The following GSE1 variants were observed in gnomAD, a reference collection of about 807,000 sequenced individuals.
GSE1 encodes Gse1 coiled-coil protein.
GSE1 carries 32 observed loss-of-function variants against 112.6 expected under a neutral mutation model. The ratio of observed to expected loss-of-function variants is 0.28; its 90% CI spans 0.21 to 0.38. The LOEUF is 0.38. Among genes scored for constraint, GSE1 ranks in the 10% least tolerant of loss-of-function variants. GSE1 has a pLI of 1.00. For synonymous variants in GSE1, 1,115 were observed against 735.6 expected (o/e 1.52, Z -8.35); for missense variants, 2,348 against 1,699.2 (o/e 1.38, Z -6.71).
intron 2 of GSE1, among the ~76,000 whole-genome samples, chr16:85,523,714 C>A (rs1460009323): frequency 3.3e-5 from 5 of 152,222 alleles, no homozygotes; most frequent in African/African-American, 1.2e-4. Context: ...CAGGCGGCCT[C>A]CCCGAACACT....
At chr16:85,568,087 C>G (rs1262866041) in intron 1 of GSE1, among the ~76,000 whole-genome samples, 2 of 152,154 alleles carry the variant, frequency 1.3e-5, no homozygotes, top group African/African-American at 4.8e-5. Flanking sequence ...TTGGGAGATG[C>G]AATTGATGTT....
exon 1 of GSE1, chr16:85,170,066 C>T (rs2074333558): frequency 1.0e-6 from 1 of 984,816 alleles, no homozygotes; most frequent in South Asian, 4.7e-5. Context: ...GACACCGACC[C>T]CCTTTCCGAG....
At chr16:85,572,423 C>CACACAGCACATACA (rs1284360610) in intron 1 of GSE1, among the ~76,000 whole-genome samples, 122 of 150,128 alleles carry the variant, frequency 8.1e-4, no homozygotes, top group African/African-American at 2.9e-3. Flanking sequence ...ACACACCACA[C>CACACAGCACATACA]ACACACAGCA....
intron 1 of GSE1, among the ~76,000 whole-genome samples, chr16:85,579,598 G>A (rs564043327): frequency 6.6e-6 from 1 of 152,324 alleles, no homozygotes; most frequent in Non-Finnish European, 1.5e-5. Flanking sequence ...GGGCCTGGGG[G>A]ATTCCCCAGA....
At chr16:85,566,330 G>A (rs575171368) in intron 1 of GSE1, among the ~76,000 whole-genome samples, 1 of 152,212 alleles carries the variant, frequency 6.6e-6, no homozygotes, top group Non-Finnish European at 1.5e-5. Context: ...ATGGCTGTCC[G>A]CCAGCCCAGG....
At chr16:85,478,905 T>C (rs868732676) in intron 2 of GSE1, among the ~76,000 whole-genome samples, 20 of 77,708 alleles carry the variant, frequency 2.6e-4, no homozygotes, top group African/African-American at 1.1e-3. Flanking sequence ...CTTTCTTTCT[T>C]TCTTTCTTTC....
chr16:85,668,312 GGAGGAGGAGGAA>G lies in GSE1; in HGVS notation c.3312_3323del (p.Glu1104_Glu1107del). The G allele has an allele frequency of 6.2e-7, 1 of 1,611,138 alleles. No individual in the cohort carries two copies. Among genetic ancestry groups the G allele is most frequent in the East Asian group, 2.2e-5 (1 of 44,866 alleles). On this transcript the variant is annotated inframe_deletion, in exon 14 of 16. Transcript: ENST00000253458. The stretch of plus-strand genomic sequence containing the variant: ...CAACCCAGGAGTTGGACCGGGACTC[GGAGGAGGAGGAA>G]GAGGAGGATGATGAAGATGGAGAAG...
chr16:85,385,827 C>T (rs1410437914), intron 2 of GSE1, among the ~76,000 whole-genome samples: 5 of 152,186 alleles, frequency 3.3e-5, no homozygotes, highest in Admixed American at 6.5e-5. Flanking sequence ...TAAGAATGAC[C>T]GCGGGTGACC....
chr16:85,495,990 C>T (rs1044600380), intron 2 of GSE1, among the ~76,000 whole-genome samples: 7 of 152,182 alleles, frequency 4.6e-5, no homozygotes, highest in Non-Finnish European at 1.0e-4. Flanking sequence ...TGTCAAAAGC[C>T]GCGGGGGGAC....
At chr16:85,412,966 G>A (rs2048615360) in intron 2 of GSE1, among the ~76,000 whole-genome samples, 1 of 152,156 alleles carries the variant, frequency 6.6e-6, no homozygotes, top group South Asian at 2.1e-4. Flanking sequence ...CATCGGCCCG[G>A]GTGCCTGTTC....
At chr16:85,206,585 G>T (rs1001472134) in intron 1 of GSE1, among the ~76,000 whole-genome samples, 4 of 152,146 alleles carry the variant, frequency 2.6e-5, no homozygotes, top group Non-Finnish European at 4.4e-5. Context: ...TGCTGGAAAA[G>T]CGTCTGCCTA....
At chr16:85,350,505 A>T (rs2046830828) in intron 1 of GSE1, among the ~76,000 whole-genome samples, 1 of 152,144 alleles carries the variant, frequency 6.6e-6, no homozygotes, top group Non-Finnish European at 1.5e-5. Flanking sequence ...CTGGAGCCGA[A>T]ACTGCCCAGC....
At position 85,171,441 on chromosome 16, in the gene GSE1, C is replaced by G. The variant is rs1050257052; in HGVS notation, c.1917C>G (p.Asp639Glu). The G allele has an allele frequency of 2.4e-5, 24 of 985,118 alleles. No individual in the cohort carries two copies. The African/African-American group carries it at 3.1e-4, about 13-fold the overall frequency. 61.0% of individuals were successfully genotyped at this position (985,118 alleles called of 1,614,324 possible). A position where few individuals can be genotyped will look rare whatever the true frequency, so the allele number is the denominator to read the frequency against. The change falls in exon 1 of 3, where the codon GAC becomes GAG. Residue 639 changes from aspartate to glutamate, a missense_variant. Physicochemically the swap from Asp to Glu is conservative, Grantham distance 45. Transcript: ENST00000637419. ...CTGCCCCTCGTGCCAGGCCTGTGGA[C>G]TCCACCGGCCTGGTGGCTACCTGTG...
At position 85,655,852 on chromosome 16, in the gene GSE1, C is replaced by T. The variant is rs749728595; in HGVS notation, c.924C>T (p.Pro308=). Residue 308 remains proline (P), a synonymous_variant, in exon 6 of 16, where the codon CCC becomes CCT. Coordinates refer to ENST00000253458, the MANE Select transcript of GSE1 (RefSeq NM_014615.5). ...ACCTCTCTGGGGTCCGCTACCCTCC[C>T]GAGCTCTCCCACTCATCCCTGGCAG... ...HLHLSGVRYP[P]ELSHSSLAAL... is the part of the protein sequence containing the mutation. 59 of 1,609,874 alleles carry T rather than the reference C, an allele frequency of 3.7e-5. No individual in the cohort carries two copies. The East Asian group carries it at 6.0e-4, about 16-fold the overall frequency.
At chr16:85,351,373 G>A (rs746479898) in intron 1 of GSE1, among the ~76,000 whole-genome samples, 5 of 152,200 alleles carry the variant, frequency 3.3e-5, no homozygotes, top group Admixed American at 6.5e-5. Context: ...TGAAAACATG[G>A]TGCTAACTTT....
intron 2 of GSE1, among the ~76,000 whole-genome samples, chr16:85,530,952 G>T (rs1483061460): frequency 1.3e-5 from 2 of 152,250 alleles, no homozygotes; most frequent in Admixed American, 6.5e-5. Context: ...CCCTTTGTCT[G>T]ACAGGTGTTG....
At chr16:85,541,686 G>T (rs572754379) in intron 2 of GSE1, among the ~76,000 whole-genome samples, 19 of 152,358 alleles carry the variant, frequency 1.2e-4, no homozygotes, top group African/African-American at 4.3e-4. Flanking sequence ...CACGGGGCAC[G>T]GTGAAGGGCT....
chr16:85,240,391 C>G (rs2143923794), intron 1 of GSE1, among the ~76,000 whole-genome samples: 1 of 152,352 alleles, frequency 6.6e-6, no homozygotes, highest in African/African-American at 2.4e-5. Flanking sequence ...AGACCAGACC[C>G]CCACCAAGGG....
At position 85,666,064 on chromosome 16, in the gene GSE1, T is replaced by A. The variant is rs758526020; in HGVS notation, c.2847T>A (p.Pro949=). 1 of 1,613,438 alleles carries A rather than the reference T, an allele frequency of 6.2e-7. No homozygotes were observed. Among genetic ancestry groups the A allele is most frequent in the South Asian group, 1.1e-5 (1 of 91,084 alleles). ...CTGACATCCCAAAGGCCGCGGAGCC[T>A]GGGAAGCTGGAACAGGTCCGGCCCC... ...SLSDIPKAAE[P]GKLEQVRPQE... Residue 949 remains proline (P), a synonymous_variant, in exon 13 of 16, where the codon CCT becomes CCA. Transcript: ENST00000253458.
Sources: gnomAD v4.1 joint callset for allele counts (sites outside exome capture counted in the v4.1 genomes callset) on GRCh38, gnomAD v4.1.1 for gene constraint, MANE v1.5 for transcripts, NCBI Gene and HGNC (gene_info 2026-07-23, HGNC 2026-07-21) for gene names.